The following SYT1 variants were observed in gnomAD, a reference collection of about 807,000 sequenced individuals.
SYT1 encodes the protein synaptotagmin-1.
A neutral mutation model predicts 44.8 loss-of-function variants in SYT1; 8 were observed. The ratio of observed to expected loss-of-function variants is 0.18; its 90% CI spans 0.10 to 0.32. The LOEUF is 0.32. Among genes scored for constraint, SYT1 ranks in the 10% least tolerant of loss-of-function variants. The pLI is 1.00. For missense variants in SYT1, 286 were observed against 509.3 expected, an observed-to-expected ratio of 0.56 and a Z score of 4.22; for synonymous variants, 154 against 188.8, an observed-to-expected ratio of 0.82 and a Z score of 1.51.
chr12:79,417,801 C>G (rs1868842534), intron 9 of SYT1, among the ~76,000 whole-genome samples: 1 of 151,890 alleles, frequency 6.6e-6, no homozygotes. Context: ...CACTCCCACC[C>G]CCCACTTCAA....
Position 79,321,114 on chromosome 12 carries a change from G to A in SYT1, c.810+21563G>A, listed in dbSNP as rs1312228351. 3.3e-5 allele frequency among the ~76,000 whole-genome samples: 5 copies of A among 152,168 alleles called. No individual in the cohort carries two copies. In the East Asian group the frequency reaches 9.6e-4, roughly 29 times the overall value. On this transcript the variant is annotated intron_variant, in intron 8 of 10. Transcript: ENST00000261205. ...ATCTGAAATAACTGATTAGTTCAAT[G>A]AAATCTCACAAACTGTGTTACAGAT... is the stretch of plus-strand genomic sequence containing the variant.
At chr12:78,960,528 C>G (rs1484277538) in intron 1 of SYT1, 1 of 152,156 alleles carries the variant, frequency 6.6e-6, no homozygotes, top group African/African-American at 2.4e-5. Flanking sequence ...ATTTGGTGAG[C>G]TAAATGTAAC....
chr12:79,200,401 T>C (rs2138491251), intron 3 of SYT1, among the ~76,000 whole-genome samples: 1 of 152,190 alleles, frequency 6.6e-6, no homozygotes, highest in East Asian at 1.9e-4. Context: ...GCTGGACAAC[T>C]GGCTCCAGTT....
chr12:79,192,144 GGTC>G lies in SYT1; in HGVS notation c.-17-25358_-17-25356del, dbSNP rs1375695539. Among the ~76,000 whole-genome samples the G allele has an allele frequency of 2.0e-5, 3 of 152,202 alleles. No homozygotes were observed. In the East Asian group the frequency reaches 5.8e-4, roughly 29 times the overall value. On this transcript the variant is annotated intron_variant, in intron 3 of 10. Transcript: ENST00000261205. ...GCAAGTAAAAAGGAAAGAGATTGAA[GGTC>G]TAAGAATGTCAGAAATACCTAGCAA...
chr12:79,200,779 A>G (rs1359277659), intron 3 of SYT1, among the ~76,000 whole-genome samples: 1 of 152,206 alleles, frequency 6.6e-6, no homozygotes, highest in African/African-American at 2.4e-5. Flanking sequence ...TTAGATTCCA[A>G]CATAGAGTTT....
chr12:79,326,505 G>A (rs1482767752), intron 8 of SYT1, among the ~76,000 whole-genome samples: 1 of 152,156 alleles, frequency 6.6e-6, no homozygotes, highest in Non-Finnish European at 1.5e-5. Flanking sequence ...AGCAAACTTA[G>A]GGGGTTGTTC....
intron 1 of SYT1, among the ~76,000 whole-genome samples, chr12:78,967,538 G>A (rs1868277415): frequency 1.3e-5 from 2 of 152,152 alleles, no homozygotes; most frequent in Non-Finnish European, 2.9e-5. Flanking sequence ...AAATTAGGAG[G>A]AGTCAAAGAT....
At chr12:79,093,502 G>A (rs1877918347) in intron 3 of SYT1, among the ~76,000 whole-genome samples, 1 of 151,604 alleles carries the variant, frequency 6.6e-6, no homozygotes, top group African/African-American at 2.4e-5. Context: ...GTTTTTAAAA[G>A]AGAAGACCAA....
At chr12:79,190,435 C>T (rs1391604733) in intron 3 of SYT1, among the ~76,000 whole-genome samples, 1 of 151,966 alleles carries the variant, frequency 6.6e-6, no homozygotes, top group African/African-American at 2.4e-5. Flanking sequence ...TCAAAACACC[C>T]ACACACACAC....
intron 2 of SYT1, among the ~76,000 whole-genome samples, chr12:79,023,165 G>C (rs1236879834): frequency 6.6e-6 from 1 of 151,800 alleles, no homozygotes; most frequent in Non-Finnish European, 1.5e-5. Context: ...AGTCTCCACA[G>C]GGCTTTCAAA....
chr12:78,936,572 T>C (rs1878072339), intron 1 of SYT1, among the ~76,000 whole-genome samples: 1 of 152,180 alleles, frequency 6.6e-6, no homozygotes, highest in African/African-American at 2.4e-5. Flanking sequence ...ATTACAATTT[T>C]TCCTTTAAAA....
At chr12:79,091,132 C>T (rs771579018) in intron 3 of SYT1, among the ~76,000 whole-genome samples, 8 of 152,038 alleles carry the variant, frequency 5.3e-5, no homozygotes, top group South Asian at 2.1e-4. Context: ...CAAAGAGGCA[C>T]GCTTTGGATG....
At chr12:79,020,540 G>T (rs1872122227) in intron 2 of SYT1, among the ~76,000 whole-genome samples, 1 of 151,952 alleles carries the variant, frequency 6.6e-6, no homozygotes, top group Admixed American at 6.6e-5. Context: ...AACAAAAAAA[G>T]TATGTGCTGA....
intron 7 of SYT1, among the ~76,000 whole-genome samples, chr12:79,296,566 GAAAA>G (rs1879884547): frequency 6.6e-6 from 1 of 152,122 alleles, no homozygotes; most frequent in Non-Finnish European, 1.5e-5. Context: ...CAAAGTTTGT[GAAAA>G]TAAGTACATC....
chr12:78,906,326 T>C (rs1382984318), intron 1 of SYT1, among the ~76,000 whole-genome samples: 2 of 152,070 alleles, frequency 1.3e-5, no homozygotes, highest in African/African-American at 2.4e-5. Context: ...TCATGACAAG[T>C]GGAAGTTCAT....
intron 8 of SYT1, among the ~76,000 whole-genome samples, chr12:79,318,586 C>A (rs557651300): frequency 6.6e-6 from 1 of 152,336 alleles, no homozygotes; most frequent in Non-Finnish European, 1.5e-5. Flanking sequence ...GAAACTATCT[C>A]TAGTCAACTT....
chr12:79,349,056 AGGAG>A (rs748213698), intron 8 of SYT1, among the ~76,000 whole-genome samples: 2,040 of 125,874 alleles, frequency 0.016, 25 homozygotes, highest in Non-Finnish European at 0.02. Context: ...AAAGAAAGAA[AGGAG>A]GGAGGGAGGG....
chr12:78,932,437 G>C (rs10745992), intron 1 of SYT1, among the ~76,000 whole-genome samples: 32,550 of 152,024 alleles, frequency 0.21, 4,062 homozygotes, highest in South Asian at 0.4. Context: ...AAAACACTTG[G>C]ATAGTTATTT....
chr12:79,321,319 T>G (rs528022976), intron 8 of SYT1, among the ~76,000 whole-genome samples: 48 of 152,188 alleles, frequency 3.2e-4, no homozygotes, highest in Non-Finnish European at 5.6e-4. Context: ...CATGTTAAAT[T>G]CCTAGTATTG....
Sources: gnomAD v4.1 joint callset for allele counts (sites outside exome capture counted in the v4.1 genomes callset) on GRCh38, gnomAD v4.1.1 for gene constraint, MANE v1.5 for transcripts, NCBI Gene and HGNC (gene_info 2026-07-23, HGNC 2026-07-21) for gene names.